Variants in LRBA observed in about 807,000 individuals in gnomAD.
LRBA encodes the protein LPS responsive beige-like anchor protein, also known as lipopolysaccharide-responsive and beige-like anchor protein.
Under a neutral mutation model 330.0 loss-of-function variants are expected in LRBA, and 176 were observed. The ratio of observed to expected loss-of-function variants is 0.53; its 90% CI spans 0.47 to 0.60. LRBA has a LOEUF of 0.60. LRBA is among the 20% of genes least tolerant of loss of function. The pLI is 0.00. For synonymous variants in LRBA, 1,230 were observed against 1,193.0 expected, an observed-to-expected ratio of 1.03 and a Z score of -0.64; for missense variants, 3,259 against 3,444.8, an observed-to-expected ratio of 0.95 and a Z score of 1.35.
At chr4:150,881,804 G>C (rs553092388) in intron 17 of LRBA, among the ~76,000 whole-genome samples, 29 of 152,128 alleles carry the variant, frequency 1.9e-4, no homozygotes, top group African/African-American at 6.7e-4. Flanking sequence ...AATCACAATA[G>C]GGCTGGGCGC....
Position 150,929,013 on chromosome 4 carries a change from T to C in LRBA, c.269A>G (p.Glu90Gly), listed in dbSNP as rs1382200207. The C allele has an allele frequency of 6.2e-7, 1 of 1,613,360 alleles. No homozygotes were observed. The highest frequency in any genetic ancestry group is 1.1e-5 in the South Asian group (1 of 91,046). ...LEMNFIIQEG[E>G]SINCMVDLLE... ...TAGGTCCACCATGCAGTTAATACTCTCACCTTCTTGGATAATGAAATTCAT... is the reference window on the plus strand; with the variant it reads ...TAGGTCCACCATGCAGTTAATACTCCCACCTTCTTGGATAATGAAATTCAT... Residue 90 changes from glutamate to glycine, a missense_variant, in exon 3 of 57, where the codon GAG (glutamate) becomes GGG (glycine). Physicochemically the swap from Glu to Gly is moderately conservative, Grantham distance 98 (BLOSUM62 -2). Coordinates refer to ENST00000651943, the MANE Select transcript of LRBA (RefSeq NM_001364905.1).
intron 37 of LRBA, among the ~76,000 whole-genome samples, chr4:150,655,340 G>T (rs1255953407): frequency 1.3e-5 from 2 of 152,074 alleles, no homozygotes; most frequent in African/African-American, 4.8e-5. Context: ...TTGTGTAAAT[G>T]TAAAACAGAT....
Position 150,584,094 on chromosome 4 carries a change from C to G in LRBA, c.6330+3954G>C, listed in dbSNP as rs1363020760. The G allele has an allele frequency of 3.9e-6, 6 of 1,546,810 alleles. No individual in the cohort carries two copies. The Admixed American group carries it at 8.0e-5, about 21-fold the overall frequency. Reference sequence around the variant, plus strand: ...GGGAAATTCTCACCAATCCCAAAAGCCTGGACAAACTATAGGGTGCTGGGG... The same window carrying G: ...GGGAAATTCTCACCAATCCCAAAAGGCTGGACAAACTATAGGGTGCTGGGG... On this transcript the variant is annotated intron_variant, in intron 40 of 56. Coordinates refer to ENST00000651943, the MANE Select transcript of LRBA (RefSeq NM_001364905.1).
chr4:151,001,448 A>G (rs1472387367), intron 2 of LRBA, among the ~76,000 whole-genome samples: 1 of 152,108 alleles, frequency 6.6e-6, no homozygotes, highest in Non-Finnish European at 1.5e-5. Flanking sequence ...CCAGGTCCCC[A>G]TGCCAAAGCG....
At position 150,694,462 on chromosome 4, in the gene LRBA, C is replaced by CAAAAAAAAAAAA. The variant is rs58558446; in HGVS notation, c.5755-10757_5755-10746dup. Reference sequence around the variant, plus strand: ...CCTTACCTTAAAGTGTGATCTTTAACAAAAAAAAAAAAAAGCTATCTACAG... The same window carrying CAAAAAAAAAAAA: ...CCTTACCTTAAAGTGTGATCTTTAACAAAAAAAAAAAAAAAAAAAAAAAAAAGCTATCTACAG... On this transcript the variant is annotated intron_variant, in intron 36 of 56. Coordinates refer to ENST00000651943, the MANE Select transcript of LRBA (RefSeq NM_001364905.1). Among the ~76,000 whole-genome samples the CAAAAAAAAAAAA allele has an allele frequency of 1.8e-4, 13 of 71,034 alleles. 1 individual carries two copies. Among genetic ancestry groups the CAAAAAAAAAAAA allele is most frequent in the East Asian group, 6.0e-4 (1 of 1,674 alleles). The allele number at this position is 71,034 out of a possible 152,430, so 46.6% of individuals were successfully genotyped here.
At chr4:150,880,025 T>C (rs1290260898) in intron 17 of LRBA, among the ~76,000 whole-genome samples, 1 of 152,162 alleles carries the variant, frequency 6.6e-6, no homozygotes, top group Non-Finnish European at 1.5e-5. Context: ...CAAAACAGCA[T>C]GGTACTGGTA....
At chr4:150,498,032 G>C (rs1444229788) in intron 40 of LRBA, among the ~76,000 whole-genome samples, 1 of 152,114 alleles carries the variant, frequency 6.6e-6, no homozygotes, top group Non-Finnish European at 1.5e-5. Flanking sequence ...CTTTAGCCCA[G>C]CTTTAAAAAT....
intron 2 of LRBA, among the ~76,000 whole-genome samples, chr4:150,958,679 T>C (rs1193603910): frequency 6.7e-6 from 1 of 149,226 alleles, no homozygotes; most frequent in Non-Finnish European, 1.5e-5. Flanking sequence ...GCTTTAGCAC[T>C]TAGAAATTTC....
At chr4:150,298,433 A>G (rs1273093861) in intron 53 of LRBA, among the ~76,000 whole-genome samples, 1 of 152,078 alleles carries the variant, frequency 6.6e-6, no homozygotes, top group Admixed American at 6.6e-5. Context: ...GGAATGTCTC[A>G]TTAGGGTGAT....
chr4:150,926,932 G>A (rs987644969), intron 4 of LRBA, among the ~76,000 whole-genome samples: 7 of 151,740 alleles, frequency 4.6e-5, no homozygotes, highest in Admixed American at 1.3e-4. Flanking sequence ...TTAGCCAGGC[G>A]TGGTGGTGTG....
rs1263726917 is a variant in LRBA at position 150,277,844 on chromosome 4, C to G, written c.8468+9G>C. Reference sequence around the variant, plus strand: ...AACCCCTATTTGTAGCCCATGATTCCAGTGTTACCTCTGGTCGTAAGACAG... The same window carrying G: ...AACCCCTATTTGTAGCCCATGATTCGAGTGTTACCTCTGGTCGTAAGACAG... On this transcript the variant is annotated intron_variant, in intron 56 of 56. Transcript: ENST00000651943. 1 of 1,613,072 alleles carries G rather than the reference C, an allele frequency of 6.2e-7. No homozygotes were observed. Among genetic ancestry groups the G allele is most frequent in the Non-Finnish European group, 8.5e-7 (1 of 1,179,374 alleles).
intron 40 of LRBA, among the ~76,000 whole-genome samples, chr4:150,573,530 G>A (rs1285527473): frequency 6.6e-6 from 1 of 152,108 alleles, no homozygotes; most frequent in East Asian, 1.9e-4. Flanking sequence ...TAATATAGCA[G>A]ATAGACTGAC....
At chr4:150,975,724 TAATC>T (rs1404069857) in intron 2 of LRBA, among the ~76,000 whole-genome samples, 1 of 151,662 alleles carries the variant, frequency 6.6e-6, no homozygotes, top group East Asian at 1.9e-4. Flanking sequence ...ACAGAAAAAA[TAATC>T]AATGAATATA....
Position 150,302,709 on chromosome 4 carries a change from A to G in LRBA, c.7933T>C (p.Tyr2645His), listed in dbSNP as rs761156317. The G allele has an allele frequency of 2.5e-6, 4 of 1,613,260 alleles. No homozygotes were observed. The South Asian group carries it at 4.4e-5, about 18-fold the overall frequency. Residue 2645 changes from tyrosine to histidine, a missense_variant, in exon 53 of 57, where the codon TAC becomes CAC. Physicochemically the swap from Tyr to His is moderately conservative, Grantham distance 83 (BLOSUM62 2). Transcript: ENST00000651943. ...RSESYIGGNC[Y>H]ILSGSRDATL... ...GCATCACGTGACCCTGAGAGAATGT[A>G]GCAATTTCCCCCAATATATGACTCA...
In LRBA at chr4:150,436,786, T is replaced by C. The variant is rs950337550; in HGVS notation, c.6859A>G (p.Lys2287Glu). The C allele has an allele frequency of 1.2e-5, 20 of 1,613,096 alleles. No homozygotes were observed. The highest frequency in any genetic ancestry group is 3.3e-5 in the Admixed American group (2 of 59,922). Residue 2287 changes from lysine (K) to glutamate (E), a missense_variant, in exon 45 of 57, where the codon AAG becomes GAG. Coordinates refer to ENST00000651943, the MANE Select transcript of LRBA (RefSeq NM_001364905.1). Reference protein sequence around the residue: ...YESWEDDQVPKFHYGTHYSTA... With the variant: ...YESWEDDQVPEFHYGTHYSTA... ...GAGTAATGAGTACCATAGTGAAACT[T>C]TGGAACTTGATCATCTTCCCATGAT...
chr4:150,330,361 C>T (rs1733826538), intron 48 of LRBA, among the ~76,000 whole-genome samples: 1 of 152,172 alleles, frequency 6.6e-6, no homozygotes, highest in Non-Finnish European at 1.5e-5. Flanking sequence ...CCTGTTCATA[C>T]TGCTCATTAC....
Position 150,806,354 on chromosome 4 carries a change from CGAA to C in LRBA, c.5432_5434del (p.Leu1811del). Reference sequence around the variant, plus strand: ...AGGTGCAAAATCCACAAAAATCTCACGAAGGAGAGGAGCTGCCTTTTCCAAAGC... The same window carrying C: ...AGGTGCAAAATCCACAAAAATCTCACGGAGAGGAGCTGCCTTTTCCAAAGC... On this transcript the variant is annotated inframe_deletion, in exon 33 of 57. Coordinates refer to ENST00000651943, the MANE Select transcript of LRBA (RefSeq NM_001364905.1). 1 of 1,610,652 alleles carries C rather than the reference CGAA, an allele frequency of 6.2e-7. No homozygotes were observed.
intron 37 of LRBA, among the ~76,000 whole-genome samples, chr4:150,610,149 C>T (rs4336204): frequency 0.71 from 107,957 of 152,056 alleles, 45,068 homozygotes; most frequent in Non-Finnish European, 0.91. Flanking sequence ...AGAAAGCTGA[C>T]AAAGGAAAAG....
intron 2 of LRBA, among the ~76,000 whole-genome samples, chr4:151,002,193 C>G (rs1270876260): frequency 1.9e-4 from 3 of 15,722 alleles, no homozygotes; most frequent in African/African-American, 3.7e-4. Context: ...AAACATAAAA[C>G]AGCAAAAAAA....
Sources: allele counts gnomAD v4.1 joint callset (sites outside exome capture counted in the v4.1 genomes callset), GRCh38; gene constraint gnomAD v4.1.1; transcripts MANE v1.5; gene names NCBI Gene and HGNC (gene_info 2026-07-23, HGNC 2026-07-21).